Variants in PKHD1L1 observed in about 807,000 individuals in gnomAD.
PKHD1L1 encodes the protein PKHD1 like 1.
In PKHD1L1, 434 loss-of-function variants were observed where a neutral mutation model predicts 462.9. That is an observed-to-expected ratio of 0.94 (90% confidence interval 0.87 to 1.02). The LOEUF (loss-of-function observed/expected upper bound fraction) is 1.02, where lower values mean the gene tolerates loss of function less well. Among genes scored for constraint, PKHD1L1 ranks in the 50% least tolerant of loss-of-function variants. PKHD1L1 has a pLI of 0.00. For missense variants in PKHD1L1, 5,202 were observed against 5,096.1 expected (o/e 1.02, Z -0.63); for synonymous variants, 1,781 against 1,750.0 (o/e 1.02, Z -0.44).
intron 50 of PKHD1L1, among the ~76,000 whole-genome samples, chr8:109,469,104 A>G (rs1586578115): frequency 6.6e-6 from 1 of 152,220 alleles, no homozygotes; most frequent in East Asian, 1.9e-4. Flanking sequence ...TGCTAATTAA[A>G]CCTACCTTTA....
At position 109,461,862 on chromosome 8, in the gene PKHD1L1, C is replaced by T. The variant is rs368565156; in HGVS notation, c.7337C>T (p.Pro2446Leu). Residue 2446 changes from proline to leucine, a missense_variant, in exon 48 of 78, where the codon CCT becomes CTT. Physicochemically the swap from Pro to Leu is moderately conservative, Grantham distance 98. This residue lies in a region of PKHD1L1 where 4,497 missense variants were observed against 4,336.8 expected (regional missense o/e 1.04). Coordinates refer to ENST00000378402, the MANE Select transcript of PKHD1L1 (RefSeq NM_177531.6). ...QFGGCVMFHAPVPGANMVTGR... is the reference protein window; with the variant it reads ...QFGGCVMFHALVPGANMVTGR... ...GGAGGCTGCGTTATGTTTCATGCTC[C>T]TGTACCTGGTGCTAACATGGTAACT... 8.7e-5 allele frequency: 140 copies of T among 1,605,400 alleles called. No homozygotes were observed. The highest frequency in any genetic ancestry group is 1.9e-4 in the Admixed American group (11 of 58,864).
chr8:109,459,865 T>C, intron 47 of PKHD1L1, 29 bp downstream of exon 47: 1 of 1,583,728 alleles, frequency 6.3e-7, no homozygotes. Flanking sequence ...GTGGTTGGTA[T>C]AATCATGCCA....
At chr8:109,434,609 C>T (rs1389100035) in intron 28 of PKHD1L1, among the ~76,000 whole-genome samples, 2 of 152,048 alleles carry the variant, frequency 1.3e-5, no homozygotes, top group African/African-American at 4.8e-5. Flanking sequence ...GCTGAGATTA[C>T]AGGTGTCTGA....
Position 109,534,533 on chromosome 8 carries a change from C to G in PKHD1L1, c.*4443C>G, listed in dbSNP as rs1821108684. Among the ~76,000 whole-genome samples, 1 of 152,010 alleles carries G rather than the reference C, an allele frequency of 6.6e-6. No individual in the cohort carries two copies. The highest frequency in any genetic ancestry group is 2.4e-5 in the African/African-American group (1 of 41,410). On this transcript the variant is annotated 3_prime_UTR_variant, in exon 78 of 78. Transcript: ENST00000378402. The stretch of plus-strand genomic sequence containing the variant: ...GGTTGGGTTGGGGAACCTACCAAAA[C>G]AGTGGGAGAGTCTTGCCCTTTTTCT...
Position 109,535,146 on chromosome 8 carries a change from C to G in PKHD1L1, c.*5056C>G, listed in dbSNP as rs1461256039. On this transcript the variant is annotated 3_prime_UTR_variant, in exon 78 of 78. Coordinates refer to ENST00000378402, the MANE Select transcript of PKHD1L1 (RefSeq NM_177531.6). ...GAAGTAGCAGTGTATAAAATTCACA[C>G]CCAGTTATAGACTGAGTAATTATAG... Among the ~76,000 whole-genome samples the G allele has an allele frequency of 6.6e-6, 1 of 152,098 alleles. No homozygotes were observed. Among genetic ancestry groups the G allele is most frequent in the Non-Finnish European group, 1.5e-5 (1 of 68,020 alleles).
In PKHD1L1 at chr8:109,532,438, A is replaced by G. The variant is rs1821062617; in HGVS notation, c.*2348A>G. 6.6e-6 allele frequency among the ~76,000 whole-genome samples: 1 copy of G among 152,186 alleles called. No homozygotes were observed. Among genetic ancestry groups the G allele is most frequent in the Admixed American group, 6.5e-5 (1 of 15,276 alleles). On this transcript the variant is annotated 3_prime_UTR_variant, in exon 78 of 78. Transcript: ENST00000378402. ...ATGTCCCTTATTCATATGCTAAGCA[A>G]GTTTTATTTTTGCTTTTTTTTTGCA...
In PKHD1L1 at chr8:109,518,491, T is replaced by A; in HGVS notation, c.12014T>A (p.Ile4005Lys). ...ATTGGAGACCCTCCTATTCAGTTCA[T>A]AAGCAATGGCACCACAGGTATGAAT... Reference protein sequence around the residue: ...IEIGDPPIQFISNGTTGQMQL... With the variant: ...IEIGDPPIQFKSNGTTGQMQL... The change falls in exon 73 of 78, where the codon ATA (isoleucine) becomes AAA (lysine). Residue 4005 changes from isoleucine (I) to lysine (K), a missense_variant. This residue lies in a region of PKHD1L1 where 698 missense variants were observed against 736.3 expected (regional missense o/e 0.95). Transcript: ENST00000378402. The A allele has an allele frequency of 6.2e-7, 1 of 1,600,426 alleles. No individual in the cohort carries two copies. The highest frequency in any genetic ancestry group is 8.5e-7 in the Non-Finnish European group (1 of 1,178,004).
intron 51 of PKHD1L1, 47 bp downstream of exon 51, chr8:109,475,316 C>G: frequency 2.1e-6 from 3 of 1,405,638 alleles, no homozygotes; most frequent in Non-Finnish European, 2.9e-6. Context: ...ATTACCCAAA[C>G]ACAGCCTACA....
chr8:109,516,573 C>T (rs1363583234), intron 72 of PKHD1L1, among the ~76,000 whole-genome samples: 1 of 152,036 alleles, frequency 6.6e-6, no homozygotes, highest in Non-Finnish European at 1.5e-5. Context: ...CAATTCAGTC[C>T]ATAGCAGTCT....
Position 109,362,574 on chromosome 8 carries a change from C to G in PKHD1L1, c.-7C>G, listed in dbSNP as rs1018981615. The G allele has an allele frequency of 8.7e-6, 14 of 1,605,402 alleles. No individual in the cohort carries two copies. Among genetic ancestry groups the G allele is most frequent in the Admixed American group, 1.7e-5 (1 of 58,812 alleles). On this transcript the variant is annotated 5_prime_UTR_variant, in exon 1 of 78. Coordinates refer to ENST00000378402, the MANE Select transcript of PKHD1L1 (RefSeq NM_177531.6). ...GAGGGCACCAACTCCGCAGAACTGG[C>G]TTTTCAATGGGACACCTGTGGCTCC...
At chr8:109,409,684 T>C (rs530213432) in intron 18 of PKHD1L1, among the ~76,000 whole-genome samples, 181 bp from the exon 19 acceptor site, 2 of 152,324 alleles carry the variant, frequency 1.3e-5, no homozygotes, top group African/African-American at 4.8e-5. Flanking sequence ...TGAAAACTCA[T>C]TAGACACTAA....
intron 9 of PKHD1L1, among the ~76,000 whole-genome samples, chr8:109,393,595 A>G (rs1020241780): frequency 6.6e-6 from 1 of 152,184 alleles, no homozygotes; most frequent in African/African-American, 2.4e-5. Context: ...ACTGTGTAAT[A>G]CACACGTGAG....
chr8:109,385,437 G>T, intron 5 of PKHD1L1, 100 bp from the exon 6 acceptor site: 1 of 685,424 alleles, frequency 1.5e-6, no homozygotes, highest in East Asian at 2.8e-5. Context: ...ATAAGTGTCT[G>T]GGTCCTGGTT....
Position 109,483,017 on chromosome 8 carries a change from T to C in PKHD1L1, c.9488T>C (p.Ile3163Thr). 1 of 1,595,784 alleles carries C rather than the reference T, an allele frequency of 6.3e-7. No homozygotes were observed. Among genetic ancestry groups the C allele is most frequent in the East Asian group, 2.3e-5 (1 of 43,578 alleles). The change falls in exon 57 of 78, where the codon ATT (isoleucine) becomes ACT (threonine). Residue 3163 changes from isoleucine to threonine, a missense_variant. By Grantham distance (89) the Ile-to-Thr change is moderately conservative. Around this residue, in one of 3 missense-constraint regions of PKHD1L1, gnomAD observed 4,497 missense variants for 4,336.8 expected, o/e 1.04. Coordinates refer to ENST00000378402, the MANE Select transcript of PKHD1L1 (RefSeq NM_177531.6). ...TTTGGTGAGCTGGATCTTCATGGAA[T>C]TCCACATTCAATATATAAAACTAAG... ...GVFGELDLHG[I>T]PHSIYKTKLS...
Position 109,497,070 on chromosome 8 carries a change from A to G in PKHD1L1, c.10476+3A>G. ...GGGATTATGGAATTTATTTTCAGGT[A>G]ATTATGATTAAAGATGGTGATTGTT... On this transcript the variant is annotated splice_donor_region_variant and intron_variant, in intron 64 of 77. Coordinates refer to ENST00000378402, the MANE Select transcript of PKHD1L1 (RefSeq NM_177531.6). The G allele has an allele frequency of 6.2e-7, 1 of 1,613,064 alleles. No homozygotes were observed. Among genetic ancestry groups the G allele is most frequent in the Non-Finnish European group, 8.5e-7 (1 of 1,179,334 alleles).
chr8:109,501,681 T>C (rs1421799035), intron 67 of PKHD1L1, among the ~76,000 whole-genome samples: 3 of 152,124 alleles, frequency 2.0e-5, no homozygotes, highest in Non-Finnish European at 4.4e-5. Flanking sequence ...ATGCATAGCC[T>C]CCATCTTCAC....
rs1042105110 is a variant in PKHD1L1 at position 109,491,196 on chromosome 8, G to A, written c.10114+95G>A. 4.7e-6 allele frequency: 6 copies of A among 1,273,216 alleles called. No homozygotes were observed. In the South Asian group the frequency reaches 9.1e-5, roughly 19 times the overall value. 78.9% of individuals were successfully genotyped at this position (1,273,216 alleles called of 1,614,324 possible). A position where few individuals can be genotyped will look rare whatever the true frequency, so the allele number is the denominator to read the frequency against. ...TACACTGCCCAATTGATCTTTCTGT[G>A]AGGATGGAAATGGTCTATATTTCTG... On this transcript the variant is annotated intron_variant, in intron 61 of 77. Transcript: ENST00000378402.
rs1201092358 is a variant in PKHD1L1, at chr8:109,448,197, T to C, written c.5831T>C (p.Leu1944Ser). The C allele has an allele frequency of 6.2e-7, 1 of 1,612,434 alleles. No individual in the cohort carries two copies. Among genetic ancestry groups the C allele is most frequent in the Non-Finnish European group, 8.5e-7 (1 of 1,179,248 alleles). The change falls in exon 39 of 78, where the codon TTG becomes TCG. Residue 1944 changes from leucine to serine, a missense_variant. Physicochemically the swap from Leu to Ser is moderately radical, Grantham distance 145 (BLOSUM62 -2). Around this residue, in one of 3 missense-constraint regions of PKHD1L1, gnomAD observed 4,497 missense variants for 4,336.8 expected, o/e 1.04. Coordinates refer to ENST00000378402, the MANE Select transcript of PKHD1L1 (RefSeq NM_177531.6). ...GGATCCAACTTTGGCTTTGAGATCT[T>C]GGAAATCTCCGTGATGATAAATAAC... ...ITGSNFGFEI[L>S]EISVMINNIQ...
chr8:109,401,009 G>A (rs539640074), intron 13 of PKHD1L1, among the ~76,000 whole-genome samples: 5 of 152,178 alleles, frequency 3.3e-5, no homozygotes, highest in African/African-American at 4.8e-5. Flanking sequence ...TTTTATCATA[G>A]TTTGTACTCC....
Sources: allele counts gnomAD v4.1 joint callset (sites outside exome capture counted in the v4.1 genomes callset), GRCh38; gene constraint gnomAD v4.1.1; regional missense constraint gnomAD v4.1.1; transcripts MANE v1.5; gene names NCBI Gene and HGNC (gene_info 2026-07-23, HGNC 2026-07-21).